The following REPS2 variants were observed in gnomAD, a reference collection of about 807,000 sequenced individuals.
REPS2 encodes the protein ralBP1-associated Eps domain-containing protein 2.
A neutral mutation model predicts 53.6 loss-of-function variants in REPS2; 23 were observed. The observed-to-expected ratio is 0.43, with a 90% CI of 0.31 to 0.61. The LOEUF (loss-of-function observed/expected upper bound fraction) is 0.61. REPS2 is among the 20% of genes least tolerant of loss of function. The pLI is 0.11. For synonymous variants in REPS2, 238 were observed against 218.6 expected, an observed-to-expected ratio of 1.09 and a Z score of -0.78; for missense variants, 446 against 534.9, an observed-to-expected ratio of 0.83 and a Z score of 1.64.
chrX:16,987,356 TG>T (rs1464418390), intron 1 of REPS2, among the ~76,000 whole-genome samples: 1 of 111,646 alleles, frequency 9.0e-6, no homozygotes, highest in Non-Finnish European at 1.9e-5. Flanking sequence ...AGAGGAGAGA[TG>T]GAAGTTTTTC....
intron 1 of REPS2, among the ~76,000 whole-genome samples, chrX:16,982,140 A>G (rs1361166141): frequency 2.7e-5 from 3 of 112,017 alleles, no homozygotes; most frequent in Admixed American, 1.9e-4. Context: ...TAGAGTATGT[A>G]TCAGTACTTT....
At chrX:17,100,031 C>T (rs955958974) in intron 13 of REPS2, 1 of 1,162,913 alleles carries the variant, frequency 8.6e-7, no homozygotes, top group African/African-American at 1.8e-5. Flanking sequence ...TTGGTTTGCT[C>T]TCCTCTCCCT....
At chrX:17,136,408 C>T (rs767610857) in intron 16 of REPS2, 11 of 110,745 alleles carry the variant, frequency 9.9e-5, no homozygotes, top group African/African-American at 3.6e-4. Context: ...TCACATTCAC[C>T]GAGAACTTTG....
intron 14 of REPS2, among the ~76,000 whole-genome samples, chrX:17,117,866 G>A (rs1295566258): frequency 2.8e-5 from 3 of 108,773 alleles, no homozygotes; most frequent in South Asian, 4.1e-4. Flanking sequence ...TTCCACAATG[G>A]TTGAACTAGT....
chrX:17,062,037 C>A (rs1446790209), intron 8 of REPS2, among the ~76,000 whole-genome samples: 1 of 112,419 alleles, frequency 8.9e-6, no homozygotes, highest in Non-Finnish European at 1.9e-5. Flanking sequence ...TGTCCCTATA[C>A]ATTAGAAACT....
the REPS2 span, among the ~76,000 whole-genome samples, chrX:17,193,242 C>T: frequency 4.4e-5 from 5 of 112,526 alleles, no homozygotes; most frequent in African/African-American, 1.3e-4. Flanking sequence ...TGTTGCTTTA[C>T]ACCTTGTCAG....
At position 17,105,417 on chromosome X, in the gene REPS2, C is replaced by A. The variant is rs144732413; in HGVS notation, c.1578+1638C>A. On this transcript the variant is annotated intron_variant, in intron 14 of 17. Transcript: ENST00000357277. ...TGAATTGACTTTTGTAACCAACCTTCTAGCTTTCTCTTCCTGCACAAATGC... is the reference window on the plus strand; with the variant it reads ...TGAATTGACTTTTGTAACCAACCTTATAGCTTTCTCTTCCTGCACAAATGC... Among the ~76,000 whole-genome samples, 516 of 112,339 alleles carry A rather than the reference C, an allele frequency of 4.6e-3. 4 individuals carry two copies. Among genetic ancestry groups the A allele is most frequent in the African/African-American group, 0.015 (469 of 30,944 alleles).
the REPS2 span, among the ~76,000 whole-genome samples, chrX:17,185,891 G>A: frequency 1.8e-5 from 2 of 111,052 alleles, no homozygotes; most frequent in African/African-American, 6.6e-5. Flanking sequence ...GGGAGTGGAG[G>A]GATTTTGATG....
At chrX:17,137,249 G>A (rs1007270689) in intron 16 of REPS2, 1 of 111,873 alleles carries the variant, frequency 8.9e-6, no homozygotes, top group Admixed American at 9.4e-5. Flanking sequence ...TTATGTTCCC[G>A]TTGGCAACGT....
Position 17,076,195 on chromosome X carries a change from A to C in REPS2, c.1380-1076A>C, listed in dbSNP as rs537001184. Among the ~76,000 whole-genome samples the C allele has an allele frequency of 2.7e-5, 3 of 112,321 alleles. No homozygotes were observed. The East Asian group carries it at 8.4e-4, about 31-fold the overall frequency. On this transcript the variant is annotated intron_variant, in intron 12 of 17. Transcript: ENST00000357277. ...CTCTGTCAAGAACTGAAGGGGTTTA[A>C]TAGTAACTGATATATTCTAACTTCA...
intron 1 of REPS2, among the ~76,000 whole-genome samples, chrX:16,971,619 C>A (rs943707425): frequency 8.9e-6 from 1 of 112,100 alleles, no homozygotes; most frequent in Non-Finnish European, 1.9e-5. Flanking sequence ...AAAGATTTCA[C>A]TTATGTTTTC....
chrX:17,063,544 T>A (rs1443126871), intron 9 of REPS2, among the ~76,000 whole-genome samples: 2 of 112,062 alleles, frequency 1.8e-5, no homozygotes, highest in East Asian at 2.8e-4. Context: ...TCTCTTTCTT[T>A]GAGTTGTGTC....
the REPS2 span, among the ~76,000 whole-genome samples, chrX:17,158,967 ATT>A: frequency 2.7e-5 from 3 of 112,138 alleles, no homozygotes; most frequent in Non-Finnish European, 5.6e-5. Flanking sequence ...AATAATAAGA[ATT>A]TTCCCTTAGA....
chrX:17,188,333 T>G, the REPS2 span, among the ~76,000 whole-genome samples: 15,395 of 111,826 alleles, frequency 0.14, 832 homozygotes, highest in East Asian at 0.18. Flanking sequence ...GAAGGTCTCC[T>G]GGTGCTGGTC....
the REPS2 span, among the ~76,000 whole-genome samples, chrX:17,182,050 A>G: frequency 4.5e-5 from 5 of 112,088 alleles, no homozygotes; most frequent in South Asian, 1.9e-3. Context: ...CTCAAGGAAT[A>G]GAATACAGTG....
intron 1 of REPS2, among the ~76,000 whole-genome samples, chrX:16,951,545 A>C (rs1602481239): frequency 4.1e-5 from 2 of 48,604 alleles, no homozygotes; most frequent in African/African-American, 5.8e-5. Context: ...ACACACACAC[A>C]CACACACACA....
intron 14 of REPS2, among the ~76,000 whole-genome samples, chrX:17,114,208 C>T (rs1218424343): frequency 4.5e-5 from 5 of 112,199 alleles, no homozygotes; most frequent in South Asian, 7.4e-4. Flanking sequence ...ACATTAGCCA[C>T]TGTTCCCTCC....
the REPS2 span, among the ~76,000 whole-genome samples, chrX:17,181,773 G>T: frequency 7.1e-5 from 8 of 111,999 alleles, no homozygotes; most frequent in African/African-American, 2.6e-4. Context: ...CTCTTAAACT[G>T]ATAAAGGTAA....
chrX:17,137,491 G>A (rs1360783327), intron 16 of REPS2: 1 of 112,109 alleles, frequency 8.9e-6, no homozygotes, highest in Non-Finnish European at 1.9e-5. Context: ...TTACTTTTGA[G>A]TTATGAATTC....
Sources: gnomAD v4.1 joint callset for allele counts (sites outside exome capture counted in the v4.1 genomes callset) on GRCh38, gnomAD v4.1.1 for gene constraint, MANE v1.5 for transcripts, NCBI Gene and HGNC (gene_info 2026-07-23, HGNC 2026-07-21) for gene names.